Variants in WNK4 observed in about 807,000 individuals in gnomAD.
The protein encoded by WNK4 is WNK lysine deficient protein kinase 4.
WNK4 carries 94 observed loss-of-function variants against 116.2 expected under a neutral mutation model. That is an observed-to-expected ratio of 0.81 (90% CI 0.68 to 0.96). The LOEUF (loss-of-function observed/expected upper bound fraction) is 0.96. Ranked by LOEUF, WNK4 falls within the 40% of genes least tolerant of loss-of-function variation. The probability of loss-of-function intolerance (pLI) is 0.00; values close to 1 mark genes in which losing one functional copy is unlikely to be tolerated. For missense variants in WNK4, 1,542 were observed against 1,650.6 expected (o/e 0.93, Z 1.14); for synonymous variants, 655 against 672.7 (o/e 0.97, Z 0.41).
rs2054514391 is a variant in WNK4, at chr17:42,784,032, C to T, written c.887C>T (p.Pro296Leu). ...CTTCATTTCCTACACTCCCGGGTTC[C>T]TCCCATCCTGCACCGGGATCTCAAG... ...RGLHFLHSRVPPILHRDLKCD... is the reference protein window; with the variant it reads ...RGLHFLHSRVLPILHRDLKCD... Residue 296 changes from proline to leucine, a missense_variant, in exon 3 of 19, where the codon CCT becomes CTT. Coordinates refer to ENST00000246914, the MANE Select transcript of WNK4 (RefSeq NM_032387.5). This position sits in a 1 kb window ranked among gnomAD's most constrained non-coding sequence, Gnocchi z 4.4. 13 of 1,614,054 alleles carry T rather than the reference C, an allele frequency of 8.1e-6. No individual in the cohort carries two copies. Among genetic ancestry groups the T allele is most frequent in the Non-Finnish European group, 1.1e-5 (13 of 1,180,042 alleles).
intron 12 of WNK4, chr17:42,793,989 A>G: frequency 4.7e-6 from 2 of 425,420 alleles, no homozygotes; most frequent in South Asian, 2.1e-5. Flanking sequence ...AGTAGCTGGG[A>G]CTACAGGCGC....
chr17:42,787,912 C>T lies in WNK4; in HGVS notation c.1863+13C>T. 2.5e-6 allele frequency: 4 copies of T among 1,608,436 alleles called. No homozygotes were observed. The highest frequency in any genetic ancestry group is 1.7e-5 in the Admixed American group (1 of 60,016). On this transcript the variant is annotated intron_variant, in intron 8 of 18. Transcript: ENST00000246914. Reference sequence around the variant, plus strand: ...CTGCCTGCCCTCGGTGAGAGGGGGTCGCATGGGGGGCTCCCAGCCATTCCA... The same window carrying T: ...CTGCCTGCCCTCGGTGAGAGGGGGTTGCATGGGGGGCTCCCAGCCATTCCA...
chr17:42,793,662 G>T lies in WNK4; in HGVS notation c.2228G>T (p.Arg743Leu), dbSNP rs139570279. The T allele has an allele frequency of 1.2e-6, 2 of 1,614,066 alleles. No homozygotes were observed. The highest frequency in any genetic ancestry group is 1.1e-5 in the South Asian group (1 of 91,080). The change falls in exon 12 of 19, where the codon CGA (arginine) becomes CTA (leucine). Residue 743 changes from arginine to leucine, a missense_variant. Arg to Leu is a moderately radical substitution (Grantham distance 102). This residue lies in a region of WNK4 where 808 missense variants were observed against 873.6 expected (regional missense o/e 0.92). Transcript: ENST00000246914. ...FLRRIREIIQ[R>L]VETLLKRDTG... ...AGACGGATTCGGGAGATTATCCAGC[G>T]AGTGGAGACCCTGTTGAAGAGAGAC...
At position 42,782,675 on chromosome 17, in the gene WNK4, T is replaced by G; in HGVS notation, c.619-83T>G. On this transcript the variant is annotated intron_variant, in intron 1 of 18. Transcript: ENST00000246914. This position sits in a 1 kb window ranked among gnomAD's most constrained non-coding sequence, Gnocchi z 4.2. ...ATCTGTGGGCTCCAACCCTCACCTC[T>G]TCCCCCAACCCCACTCCAGGTGTCC... 1 of 1,543,510 alleles carries G rather than the reference T, an allele frequency of 6.5e-7. No individual in the cohort carries two copies. The highest frequency in any genetic ancestry group is 1.2e-5 in the South Asian group (1 of 86,796).
chr17:42,794,942 T>G lies in WNK4; in HGVS notation c.2521T>G (p.Ser841Ala). ...TTCTCCCCCATGTCATCCCAGCCCC[T>G]CCCCATTCTCCCCCATTTCTTCCCA... ...ITSPPCHPSP[S>A]PFSPISSQVS... Residue 841 changes from serine (S) to alanine (A), a missense_variant, in exon 14 of 19, where the codon TCC becomes GCC. Transcript: ENST00000246914. 9.3e-7 allele frequency: 1 copy of G among 1,073,368 alleles called. No individual in the cohort carries two copies. The highest frequency in any genetic ancestry group is 1.2e-6 in the Non-Finnish European group (1 of 830,598). 66.5% of individuals were successfully genotyped at this position (1,073,368 alleles called of 1,614,324 possible). A position where few individuals can be genotyped will look rare whatever the true frequency, so the allele number is the denominator to read the frequency against.
chr17:42,795,445 G>A lies in WNK4; in HGVS notation c.2962-16G>A, dbSNP rs763446265. 3 of 1,614,060 alleles carry A rather than the reference G, an allele frequency of 1.9e-6. No individual in the cohort carries two copies. The highest frequency in any genetic ancestry group is 1.3e-5 in the African/African-American group (1 of 74,976). On this transcript the variant is annotated splice_polypyrimidine_tract_variant and intron_variant, in intron 14 of 18. Transcript: ENST00000246914. ...CACTCTGCACTCTTCCCTTCTCATGGCCCCCCACTTTCTAGGCCTCACCAC... is the reference window on the plus strand; with the variant it reads ...CACTCTGCACTCTTCCCTTCTCATGACCCCCCACTTTCTAGGCCTCACCAC...
chr17:42,795,808 C>A lies in WNK4; in HGVS notation c.3206C>A (p.Ala1069Asp). The A allele has an allele frequency of 6.2e-7, 1 of 1,613,854 alleles. No homozygotes were observed. The highest frequency in any genetic ancestry group is 2.2e-5 in the East Asian group (1 of 44,878). Reference protein sequence around the residue: ...SAGGGPETREALAESDRAAEG... With the variant: ...SAGGGPETREDLAESDRAAEG... ...GGAGGCGGGCCAGAGACCAGGGAAG[C>A]TCTGGCTGAGAGCGACCGTGCAGCT... The change falls in exon 16 of 19, where the codon GCT (alanine) becomes GAT (aspartate). Residue 1069 changes from alanine to aspartate, a missense_variant. This residue lies in a region of WNK4 where 292 missense variants were observed against 290.1 expected (regional missense o/e 1.01). Transcript: ENST00000246914.
chr17:42,783,520 C>T, intron 2 of WNK4: 1 of 303,798 alleles, frequency 3.3e-6, no homozygotes, highest in Non-Finnish European at 6.3e-6. Context: ...TGCCTTGTCA[C>T]TGGCTTTTTC....
At chr17:42,791,077 C>T (rs61755611) in intron 11 of WNK4, among the ~76,000 whole-genome samples, 3,921 of 152,172 alleles carry the variant, frequency 0.026, 63 homozygotes, top group Middle Eastern at 0.065. Flanking sequence ...CTCGTAGAGC[C>T]TTCTGTATTG....
chr17:42,796,239 C>T lies in WNK4; in HGVS notation c.3548C>T (p.Ser1183Phe), dbSNP rs764922279. The change falls in exon 17 of 19, where the codon TCC (serine) becomes TTC (phenylalanine). Residue 1183 changes from serine to phenylalanine, a missense_variant. Coordinates refer to ENST00000246914, the MANE Select transcript of WNK4 (RefSeq NM_032387.5). ...ATTGTGGCCCCAGCTGCTATGCTGT[C>T]CAGCCGCCAGCGCCGCCTCTCCAAG... Reference protein sequence around the residue: ...PGIVAPAAMLSSRQRRLSKGS... With the variant: ...PGIVAPAAMLFSRQRRLSKGS... 27 of 1,611,804 alleles carry T rather than the reference C, an allele frequency of 1.7e-5. No individual in the cohort carries two copies. The highest frequency in any genetic ancestry group is 2.1e-5 in the Non-Finnish European group (25 of 1,179,390).
rs1381103261 is a variant in WNK4 at position 42,795,205 on chromosome 17, T to C, written c.2784T>C (p.Ser928=). The stretch of plus-strand genomic sequence containing the variant: ...CAGCCCCTCTCCTTTCTCTGGCTAG[T>C]GCCTTCTCACTGGCTGTGATGACTG... ...TTAAPLLSLA[S]AFSLAVMTVA... is the part of the protein sequence containing the mutation. Residue 928 remains serine, a synonymous_variant, in exon 14 of 19, where the codon AGT becomes AGC. Coordinates refer to ENST00000246914, the MANE Select transcript of WNK4 (RefSeq NM_032387.5). 1 of 1,614,012 alleles carries C rather than the reference T, an allele frequency of 6.2e-7. No individual in the cohort carries two copies. Among genetic ancestry groups the C allele is most frequent in the East Asian group, 2.2e-5 (1 of 44,852 alleles).
chr17:42,784,347 C>G lies in WNK4; in HGVS notation c.1013-75C>G. The stretch of plus-strand genomic sequence containing the variant: ...GGGTCACTTGCACTCGCAGGGTTGC[C>G]TGGGGCTGCCTAGCCCAGTGGGAAG... On this transcript the variant is annotated intron_variant, in intron 3 of 18. Transcript: ENST00000246914. The surrounding 1 kb of genome is among the most constrained non-coding windows in gnomAD (Gnocchi z 4.4). The G allele has an allele frequency of 6.3e-7, 1 of 1,583,076 alleles. No homozygotes were observed.
Position 42,787,342 on chromosome 17 carries a change from T to A in WNK4, c.1541T>A (p.Val514Asp). Residue 514 changes from valine to aspartate, a missense_variant, in exon 7 of 19, where the codon GTT becomes GAT. Transcript: ENST00000246914. ...GTGGCCCGTGCAGTACGTGAACGGGTTGCTGCCATCCAGCGAAAGCGTGAG... is the reference window on the plus strand; with the variant it reads ...GTGGCCCGTGCAGTACGTGAACGGGATGCTGCCATCCAGCGAAAGCGTGAG... Reference protein sequence around the residue: ...QPVARAVRERVAAIQRKREKL... With the variant: ...QPVARAVRERDAAIQRKREKL... The A allele has an allele frequency of 6.2e-7, 1 of 1,613,908 alleles. No individual in the cohort carries two copies.
rs2054497862 is a variant in WNK4, at chr17:42,782,685, C to A, written c.619-73C>A. Reference sequence around the variant, plus strand: ...TCCAACCCTCACCTCTTCCCCCAACCCCACTCCAGGTGTCCCTCTTCCTTT... The same window carrying A: ...TCCAACCCTCACCTCTTCCCCCAACACCACTCCAGGTGTCCCTCTTCCTTT... On this transcript the variant is annotated intron_variant, in intron 1 of 18. Transcript: ENST00000246914. The surrounding 1 kb of genome is among the most constrained non-coding windows in gnomAD (Gnocchi z 4.2). 2 of 1,578,042 alleles carry A rather than the reference C, an allele frequency of 1.3e-6. No homozygotes were observed. Among genetic ancestry groups the A allele is most frequent in the Non-Finnish European group, 1.7e-6 (2 of 1,156,248 alleles).
At chr17:42,787,564 G>C in intron 7 of WNK4, 22 bp downstream of exon 7, 1 of 1,612,322 alleles carries the variant, frequency 6.2e-7, no homozygotes, top group Non-Finnish European at 8.5e-7. Flanking sequence ...CTGATCTTGA[G>C]ACGTAGGTCC....
At position 42,784,637 on chromosome 17, in the gene WNK4, C is replaced by T; in HGVS notation, c.1170+58C>T. 2 of 1,603,626 alleles carry T rather than the reference C, an allele frequency of 1.2e-6. No individual in the cohort carries two copies. Among genetic ancestry groups the T allele is most frequent in the Non-Finnish European group, 1.7e-6 (2 of 1,175,590 alleles). ...TCCAGGGCCACTTCCCCTTTTCCTG[C>T]GCCGGCCAGCCCGCAGTCAATGCCC... On this transcript the variant is annotated intron_variant, in intron 4 of 18. Coordinates refer to ENST00000246914, the MANE Select transcript of WNK4 (RefSeq NM_032387.5). This position sits in a 1 kb window ranked among gnomAD's most constrained non-coding sequence, Gnocchi z 4.4.
At position 42,782,984 on chromosome 17, in the gene WNK4, T is replaced by A; in HGVS notation, c.791+54T>A. 1 of 1,595,590 alleles carries A rather than the reference T, an allele frequency of 6.3e-7. No homozygotes were observed. The highest frequency in any genetic ancestry group is 8.5e-7 in the Non-Finnish European group (1 of 1,170,078). On this transcript the variant is annotated intron_variant, in intron 2 of 18. Coordinates refer to ENST00000246914, the MANE Select transcript of WNK4 (RefSeq NM_032387.5). This position sits in a 1 kb window ranked among gnomAD's most constrained non-coding sequence, Gnocchi z 4.2. The stretch of plus-strand genomic sequence containing the variant: ...GAGGGAGGCTGGGATGTGTGCCCAC[T>A]GCTTCCTGAACTCCCAGGCTCCTCA...
chr17:42,796,900 G>C lies in WNK4; in HGVS notation c.*212G>C. On this transcript the variant is annotated 3_prime_UTR_variant, in exon 19 of 19. Transcript: ENST00000246914. The stretch of plus-strand genomic sequence containing the variant: ...TTTGCTGTGTGGAGGTGTTAGTTCT[G>C]CTGCCTACCATCTTCATCTCTAGCA... The C allele has an allele frequency of 1.1e-6, 1 of 916,480 alleles. No homozygotes were observed. Among genetic ancestry groups the C allele is most frequent in the Non-Finnish European group, 1.6e-6 (1 of 617,920 alleles). 56.8% of individuals were successfully genotyped at this position (916,480 alleles called of 1,614,324 possible).
chr17:42,785,448 G>A lies in WNK4; in HGVS notation c.1442G>A (p.Gly481Asp). 6.4e-7 allele frequency: 1 copy of A among 1,555,308 alleles called. No individual in the cohort carries two copies. The highest frequency in any genetic ancestry group is 8.7e-7 in the Non-Finnish European group (1 of 1,148,924). The change falls in exon 6 of 19, where the codon GGC (glycine) becomes GAC (aspartate). Residue 481 changes from glycine to aspartate, a missense_variant. Physicochemically the swap from Gly to Asp is moderately conservative, Grantham distance 94 (BLOSUM62 -1). Coordinates refer to ENST00000246914, the MANE Select transcript of WNK4 (RefSeq NM_032387.5). ...GCCATCGAGTTCCTGTTCCAGCTGG[G>A]CCGGGACGCGGCCGAGGAGGTGGCA... Reference protein sequence around the residue: ...NQAIEFLFQLGRDAAEEVAQE... With the variant: ...NQAIEFLFQLDRDAAEEVAQE...
Sources: gnomAD v4.1 joint callset for allele counts (sites outside exome capture counted in the v4.1 genomes callset) on GRCh38, gnomAD v4.1.1 for gene constraint, gnomAD v4.1.1 regional missense constraint, Gnocchi (gnomAD v3.1) non-coding constraint, MANE v1.5 for transcripts, NCBI Gene and HGNC (gene_info 2026-07-23, HGNC 2026-07-21) for gene names.